The following PHLPP1 variants were observed in gnomAD, a reference collection of about 807,000 sequenced individuals.
The protein encoded by PHLPP1 is PH domain leucine-rich repeat-containing protein phosphatase 1.
Under a neutral mutation model 117.2 loss-of-function variants are expected in PHLPP1, and 42 were observed. The observed-to-expected ratio is 0.36, with a 90% confidence interval of 0.28 to 0.46. The LOEUF is 0.46. PHLPP1 is among the 20% of genes least tolerant of loss of function. The probability of loss-of-function intolerance (pLI) is 1.00; values close to 1 mark genes in which losing one functional copy is unlikely to be tolerated. For missense variants in PHLPP1, 2,084 were observed against 2,241.9 expected (o/e 0.93, Z 1.42); for synonymous variants, 1,042 against 970.7 (o/e 1.07, Z -1.37).
intron 1 of PHLPP1, among the ~76,000 whole-genome samples, chr18:62,807,756 AAAAAATAATAGT>A (rs1913990939): frequency 6.6e-6 from 1 of 152,204 alleles, no homozygotes; most frequent in African/African-American, 2.4e-5. Flanking sequence ...TAAATATAGA[AAAAAATAATAGT>A]AAAAATACAG....
At chr18:62,792,366 T>C (rs1003277048) in intron 1 of PHLPP1, among the ~76,000 whole-genome samples, 1 of 152,228 alleles carries the variant, frequency 6.6e-6, no homozygotes, top group African/African-American at 2.4e-5. Context: ...TAGATTTTAT[T>C]CTGATGTCCT....
intron 1 of PHLPP1, among the ~76,000 whole-genome samples, chr18:62,806,219 G>T (rs1045624185): frequency 1.3e-5 from 2 of 152,110 alleles, no homozygotes; most frequent in Admixed American, 6.5e-5. Flanking sequence ...GGGAGAATTG[G>T]TAATAAGATT....
chr18:62,742,090 A>C (rs1911546677), intron 1 of PHLPP1, among the ~76,000 whole-genome samples: 1 of 152,168 alleles, frequency 6.6e-6, no homozygotes, highest in African/African-American at 2.4e-5. Context: ...AGATAATGGG[A>C]AACCATTCCA....
In PHLPP1 at chr18:62,927,135, G is replaced by A. The variant is rs1014118371; in HGVS notation, c.2960+7021G>A. 3.3e-5 allele frequency among the ~76,000 whole-genome samples: 5 copies of A among 152,206 alleles called. No individual in the cohort carries two copies. The East Asian group carries it at 7.7e-4, about 24-fold the overall frequency. ...GCGAAGCAAATGGGGAAAACTAAAG[G>A]TTCTACAAGACAAGTGAACCAGAAC... On this transcript the variant is annotated intron_variant, in intron 10 of 16. Coordinates refer to ENST00000262719, the MANE Select transcript of PHLPP1 (RefSeq NM_194449.4).
intron 4 of PHLPP1, among the ~76,000 whole-genome samples, chr18:62,890,410 C>T (rs1916378020): frequency 6.6e-6 from 1 of 151,960 alleles, no homozygotes; most frequent in South Asian, 2.1e-4. Flanking sequence ...GGACTACAGG[C>T]ACCCGCCACC....
chr18:62,735,706 G>C lies in PHLPP1; in HGVS notation c.1576+18447G>C, dbSNP rs530686593. On this transcript the variant is annotated intron_variant, in intron 1 of 16. Transcript: ENST00000262719. The stretch of plus-strand genomic sequence containing the variant: ...ATGATGGGTAAAAGAAAGTAGTACA[G>C]TTCATTTATCTTTAGGGTACTATCA... 2.0e-5 allele frequency among the ~76,000 whole-genome samples: 3 copies of C among 152,210 alleles called. No individual in the cohort carries two copies. The South Asian group carries it at 6.2e-4, about 32-fold the overall frequency.
At chr18:62,754,800 G>A (rs2066953) in intron 1 of PHLPP1, among the ~76,000 whole-genome samples, 4,133 of 152,234 alleles carry the variant, frequency 0.027, 264 homozygotes, top group East Asian at 0.18. Context: ...TAATGTTCAC[G>A]GCGTTACATT....
At chr18:62,754,157 G>A (rs1418676181) in intron 1 of PHLPP1, among the ~76,000 whole-genome samples, 1 of 152,220 alleles carries the variant, frequency 6.6e-6, no homozygotes, top group East Asian at 1.9e-4. Context: ...TGGCCTCTCA[G>A]TTGTGCCTGA....
At position 62,716,558 on chromosome 18, in the gene PHLPP1, G is replaced by T; in HGVS notation, c.875G>T (p.Gly292Val). The change falls in exon 1 of 17, where the codon GGG becomes GTG. Residue 292 changes from glycine (G) to valine (V), a missense_variant. Physicochemically the swap from Gly to Val is moderately radical, Grantham distance 109. Around this residue, in one of 2 missense-constraint regions of PHLPP1, gnomAD observed 719 missense variants for 636.0 expected, o/e 1.13. Transcript: ENST00000262719. This position sits in a 1 kb window ranked among gnomAD's most constrained non-coding sequence, Gnocchi z 5.7. ...GCGAGGAGCGCGCCGGGTGCCTTCG[G>T]GGGGCCTCCGCGCGCGCCCCCCGCC... is the stretch of plus-strand genomic sequence containing the variant. ...PPARSAPGAF[G>V]GPPRAPPADL... The T allele has an allele frequency of 8.4e-7, 1 of 1,190,756 alleles. No individual in the cohort carries two copies. The highest frequency in any genetic ancestry group is 1.0e-6 in the Non-Finnish European group (1 of 962,188). The allele number at this position is 1,190,756 out of a possible 1,614,324, so 73.8% of individuals were successfully genotyped here. A position where few individuals can be genotyped will look rare whatever the true frequency, so the allele number is the denominator to read the frequency against.
At chr18:62,964,383 C>G (rs913324014) in intron 14 of PHLPP1, among the ~76,000 whole-genome samples, 1 of 152,110 alleles carries the variant, frequency 6.6e-6, no homozygotes, top group African/African-American at 2.4e-5. Flanking sequence ...TGAGAACCAC[C>G]GACTAGCTGA....
In PHLPP1 at chr18:62,717,180, A is replaced by C. The variant is rs201380734; in HGVS notation, c.1497A>C (p.Gln499His). Residue 499 changes from glutamine (Q) to histidine (H), a missense_variant, in exon 1 of 17, where the codon CAA (glutamine) becomes CAC (histidine). Around this residue, in one of 2 missense-constraint regions of PHLPP1, gnomAD observed 1,365 missense variants for 1,605.9 expected, o/e 0.85. Coordinates refer to ENST00000262719, the MANE Select transcript of PHLPP1 (RefSeq NM_194449.4). ...PLQIQNDYLF[Q>H]LGFGELWRVQ... ...AGATCCAAAATGACTACCTCTTCCA[A>C]CTGGGATTTGGGGAGCTGTGGAGGG... 2.3e-5 allele frequency: 37 copies of C among 1,613,468 alleles called. No homozygotes were observed. In the Admixed American group the frequency reaches 3.3e-4, roughly 15 times the overall value.
At chr18:62,900,423 CTTTT>C (rs1215423344) in intron 6 of PHLPP1, among the ~76,000 whole-genome samples, 13 of 100,076 alleles carry the variant, frequency 1.3e-4, no homozygotes, top group Non-Finnish European at 1.8e-4. Flanking sequence ...CTTGTTTTTT[CTTTT>C]TCTTTCTTTT....
At chr18:62,894,571 T>C (rs1229763122) in intron 4 of PHLPP1, among the ~76,000 whole-genome samples, 1 of 152,214 alleles carries the variant, frequency 6.6e-6, no homozygotes, top group Non-Finnish European at 1.5e-5. Flanking sequence ...TAAGTTTTTA[T>C]TATTTCAGTT....
intron 3 of PHLPP1, among the ~76,000 whole-genome samples, chr18:62,844,617 C>G (rs1351903516): frequency 2.0e-5 from 3 of 152,196 alleles, no homozygotes; most frequent in African/African-American, 7.2e-5. Flanking sequence ...TCGCTCACAA[C>G]TATTTTCACA....
At chr18:62,892,875 CAA>C (rs1214001726) in intron 4 of PHLPP1, among the ~76,000 whole-genome samples, 37 of 80,928 alleles carry the variant, frequency 4.6e-4, no homozygotes, top group Admixed American at 9.7e-4. Context: ...GACTCCATCT[CAA>C]AAAAAAAAAA....
At chr18:62,938,889 A>G (rs973892622) in intron 10 of PHLPP1, among the ~76,000 whole-genome samples, 2 of 152,168 alleles carry the variant, frequency 1.3e-5, no homozygotes, top group Admixed American at 6.5e-5. Flanking sequence ...CCTAAAAAAT[A>G]TGCAAACATG....
intron 2 of PHLPP1, among the ~76,000 whole-genome samples, chr18:62,830,529 G>A (rs968980561): frequency 2.6e-5 from 4 of 152,068 alleles, no homozygotes; most frequent in African/African-American, 7.2e-5. Context: ...ATGCCAGGCC[G>A]AAAAGTAAGT....
At position 62,717,037 on chromosome 18, in the gene PHLPP1, C is replaced by T. The variant is rs1910772430; in HGVS notation, c.1354C>T (p.Pro452Ser). 1 of 1,546,294 alleles carries T rather than the reference C, an allele frequency of 6.5e-7. No individual in the cohort carries two copies. Among genetic ancestry groups the T allele is most frequent in the South Asian group, 1.2e-5 (1 of 83,874 alleles). The part of the protein sequence containing the change: ...AVAPGGLQST[P>S]GRSGVTAEKA... ...GGCCCCGGGAGGCCTCCAGTCTACCCCCGGGAGGAGCGGGGTGACCGCGGA... is the reference window on the plus strand; with the variant it reads ...GGCCCCGGGAGGCCTCCAGTCTACCTCCGGGAGGAGCGGGGTGACCGCGGA... Residue 452 changes from proline to serine, a missense_variant, in exon 1 of 17, where the codon CCC (proline) becomes TCC (serine). Pro to Ser is a moderately conservative substitution (Grantham distance 74, BLOSUM62 -1). Around this residue, in one of 2 missense-constraint regions of PHLPP1, gnomAD observed 719 missense variants for 636.0 expected, o/e 1.13. Coordinates refer to ENST00000262719, the MANE Select transcript of PHLPP1 (RefSeq NM_194449.4).
At chr18:62,854,720 A>C (rs528064638) in intron 3 of PHLPP1, among the ~76,000 whole-genome samples, 1 of 142,056 alleles carries the variant, frequency 7.0e-6, no homozygotes, top group African/African-American at 2.6e-5. Flanking sequence ...TTTTGAGATG[A>C]AGTTTCGCTC....
Sources: allele counts gnomAD v4.1 joint callset (sites outside exome capture counted in the v4.1 genomes callset), GRCh38; gene constraint gnomAD v4.1.1; regional missense constraint gnomAD v4.1.1; non-coding constraint Gnocchi (gnomAD v3.1); transcripts MANE v1.5; gene names NCBI Gene and HGNC (gene_info 2026-07-23, HGNC 2026-07-21).